EXOC6: variants seen among roughly 807,000 people sequenced by gnomAD.
EXOC6 encodes the protein SEC15-like 1.
In EXOC6, 60 loss-of-function variants were observed where a neutral mutation model predicts 112.5. That is an observed-to-expected ratio of 0.53 (90% CI 0.43 to 0.66). The LOEUF is 0.66. Ranked by LOEUF, EXOC6 falls within the 30% of genes least tolerant of loss-of-function variation. The pLI, the probability that EXOC6 is intolerant of heterozygous loss-of-function variation, is 0.00. For synonymous variants in EXOC6, 295 were observed against 308.0 expected (o/e 0.96, Z 0.44); for missense variants, 855 against 957.1 (o/e 0.89, Z 1.41).
At chr10:92,832,423 G>T (rs922720096), upstream of EXOC6, among the ~76,000 whole-genome samples, 2 of 151,958 alleles carry the variant, frequency 1.3e-5, no homozygotes, top group Non-Finnish European at 2.9e-5. Flanking sequence ...AATTACAGGC[G>T]TCCGCCACCA....
chr10:92,935,601 A>G (rs1303921117), intron 11 of EXOC6, among the ~76,000 whole-genome samples: 2 of 152,188 alleles, frequency 1.3e-5, no homozygotes, highest in African/African-American at 2.4e-5. Flanking sequence ...TTGAAATATA[A>G]GCATCATAAG....
chr10:92,947,827 C>G (rs1378134413), intron 13 of EXOC6, among the ~76,000 whole-genome samples: 1 of 152,120 alleles, frequency 6.6e-6, no homozygotes, highest in Non-Finnish European at 1.5e-5. Flanking sequence ...TCACTTGAAC[C>G]TGGGAGATGG....
At chr10:93,013,275 T>C (rs982149244) in intron 19 of EXOC6, among the ~76,000 whole-genome samples, 9 of 152,140 alleles carry the variant, frequency 5.9e-5, no homozygotes, top group African/African-American at 1.7e-4. Context: ...AAAATTCTCG[T>C]TGAGATTTTT....
At chr10:92,974,593 T>G (rs375251995) in intron 18 of EXOC6, among the ~76,000 whole-genome samples, 1 of 149,716 alleles carries the variant, frequency 6.7e-6, no homozygotes, top group Non-Finnish European at 1.5e-5. Context: ...TCCCTCTCTT[T>G]CCACGTCTCC....
intron 6 of EXOC6, among the ~76,000 whole-genome samples, chr10:92,915,198 A>G (rs781447419): frequency 3.3e-5 from 5 of 152,140 alleles, no homozygotes; most frequent in African/African-American, 1.2e-4. Context: ...CCAACACACA[A>G]TATGCCAACT....
chr10:92,987,683 A>C (rs535392278), intron 18 of EXOC6: 1 of 929,778 alleles, frequency 1.1e-6, no homozygotes, highest in South Asian at 4.9e-5. Context: ...ACATTAGAAA[A>C]TAATGAATTT....
chr10:92,899,496 T>G, intron 4 of EXOC6, 103 bp from the exon 5 acceptor site: 1 of 721,646 alleles, frequency 1.4e-6, no homozygotes. Context: ...GTTGTAGAAG[T>G]CTAATGAATT....
At chr10:92,912,417 G>A (rs1252103816) in intron 6 of EXOC6, among the ~76,000 whole-genome samples, 2 of 152,038 alleles carry the variant, frequency 1.3e-5, no homozygotes, top group African/African-American at 4.8e-5. Flanking sequence ...CTGCCTTCTG[G>A]TCCCACGGTG....
intron 1 of EXOC6, among the ~76,000 whole-genome samples, chr10:92,855,267 G>T (rs1025772359): frequency 2.6e-5 from 4 of 151,840 alleles, no homozygotes; most frequent in African/African-American, 9.7e-5. Context: ...TTGCTACATT[G>T]CCCAGGCTGG....
At chr10:92,894,581 A>G (rs1322528632) in intron 2 of EXOC6, among the ~76,000 whole-genome samples, 1 of 152,190 alleles carries the variant, frequency 6.6e-6, no homozygotes, top group Non-Finnish European at 1.5e-5. Context: ...GAAGTTTGCC[A>G]CAGAATCTGT....
intron 19 of EXOC6, among the ~76,000 whole-genome samples, chr10:93,007,730 A>G (rs557518329): frequency 1.2e-4 from 18 of 152,346 alleles, no homozygotes; most frequent in African/African-American, 4.3e-4. Flanking sequence ...CTTACCCCGC[A>G]TACATTATTT....
At chr10:92,919,470 A>G (rs1401363895) in intron 7 of EXOC6, among the ~76,000 whole-genome samples, 3 of 152,150 alleles carry the variant, frequency 2.0e-5, no homozygotes, top group Non-Finnish European at 4.4e-5. Context: ...AATATAGGAT[A>G]CATCTTAAAG....
intron 12 of EXOC6, among the ~76,000 whole-genome samples, chr10:92,938,905 A>G (rs193061822): frequency 1.8e-4 from 27 of 152,278 alleles, no homozygotes; most frequent in Middle Eastern, 6.8e-3. Context: ...GAAAGTTGAA[A>G]TTTGAGCTGG....
At chr10:92,951,737 T>C (rs904805793) in intron 14 of EXOC6, among the ~76,000 whole-genome samples, 1 of 152,188 alleles carries the variant, frequency 6.6e-6, no homozygotes, top group African/African-American at 2.4e-5. Flanking sequence ...CTGTAAGCCA[T>C]TGGCTGCATA....
At chr10:92,927,651 A>T (rs1302427200) in intron 8 of EXOC6, among the ~76,000 whole-genome samples, 1 of 152,208 alleles carries the variant, frequency 6.6e-6, no homozygotes, top group Non-Finnish European at 1.5e-5. Flanking sequence ...CATCACAGGG[A>T]GTTCCATTGG....
At chr10:92,851,665 A>G (rs1847345894) in intron 1 of EXOC6, among the ~76,000 whole-genome samples, 1 of 151,744 alleles carries the variant, frequency 6.6e-6, no homozygotes, top group Non-Finnish European at 1.5e-5. Flanking sequence ...AACAAAAACA[A>G]AAACAAACAA....
At chr10:92,983,391 C>T (rs893124792) in intron 18 of EXOC6, among the ~76,000 whole-genome samples, 2 of 151,996 alleles carry the variant, frequency 1.3e-5, no homozygotes, top group African/African-American at 4.8e-5. Flanking sequence ...CAGAGAATAT[C>T]TAGTGAGCCT....
intron 14 of EXOC6, among the ~76,000 whole-genome samples, chr10:92,949,663 G>A (rs1032427689): frequency 2.0e-5 from 3 of 151,418 alleles, no homozygotes; most frequent in African/African-American, 7.3e-5. Flanking sequence ...TGCCATCTCG[G>A]CTTACTGCAA....
chr10:92,997,225 C>T (rs1843533623), intron 18 of EXOC6, among the ~76,000 whole-genome samples: 1 of 151,924 alleles, frequency 6.6e-6, no homozygotes, highest in Non-Finnish European at 1.5e-5. Flanking sequence ...TTTTAATTTT[C>T]CTTTGTGCAG....
Sources: gnomAD v4.1 joint callset for allele counts (sites outside exome capture counted in the v4.1 genomes callset) on GRCh38, gnomAD v4.1.1 for gene constraint, MANE v1.5 for transcripts, NCBI Gene and HGNC (gene_info 2026-07-23, HGNC 2026-07-21) for gene names.